LRMDA: variants seen among roughly 807,000 people sequenced by gnomAD.
The protein encoded by LRMDA is leucine-rich melanocyte differentiation-associated protein.
In LRMDA, 18 loss-of-function variants were observed where a neutral mutation model predicts 29.8. The ratio of observed to expected loss-of-function variants is 0.60; its 90% CI spans 0.42 to 0.90. LRMDA has a LOEUF of 0.90. Among genes scored for constraint, LRMDA ranks in the 40% least tolerant of loss-of-function variants. The pLI is 0.00. For missense variants in LRMDA, 273 were observed against 273.9 expected (o/e 1.00, Z 0.02); for synonymous variants, 125 against 109.4 (o/e 1.14, Z -0.89).
intron 2 of LRMDA, among the ~76,000 whole-genome samples, chr10:75,687,372 T>C (rs192215585): frequency 6.6e-6 from 1 of 152,294 alleles, no homozygotes; most frequent in African/African-American, 2.4e-5. Flanking sequence ...ATTGGTGATA[T>C]GAAGAAAGTT....
At chr10:75,895,473 T>C (rs1845565819) in intron 2 of LRMDA, among the ~76,000 whole-genome samples, 1 of 152,216 alleles carries the variant, frequency 6.6e-6, no homozygotes, top group African/African-American at 2.4e-5. Context: ...AGTAACTTGC[T>C]GAAGGTCACA....
intron 2 of LRMDA, chr10:75,451,711 C>T (rs529169278): frequency 6.6e-6 from 1 of 151,916 alleles, no homozygotes; most frequent in Non-Finnish European, 1.5e-5. Flanking sequence ...CATCCCCTAC[C>T]CTGCTTCTAA....
chr10:75,877,772 CT>C (rs1564594383), intron 2 of LRMDA, among the ~76,000 whole-genome samples: 4 of 152,202 alleles, frequency 2.6e-5, no homozygotes, highest in Non-Finnish European at 5.9e-5. Flanking sequence ...AGGGGAGGGG[CT>C]GATGGGACTC....
At chr10:76,456,278 T>C (rs1253781938) in intron 6 of LRMDA, among the ~76,000 whole-genome samples, 1 of 152,192 alleles carries the variant, frequency 6.6e-6, no homozygotes, top group Non-Finnish European at 1.5e-5. Flanking sequence ...TATTCTGTAA[T>C]TGGGCATGAC....
At chr10:76,332,665 G>T (rs1234416920) in intron 6 of LRMDA, among the ~76,000 whole-genome samples, 2 of 152,240 alleles carry the variant, frequency 1.3e-5, no homozygotes, top group African/African-American at 2.4e-5. Flanking sequence ...AGGGTGGAAG[G>T]TTCTAAATGT....
chr10:76,491,133 G>A (rs1015674082), intron 6 of LRMDA, among the ~76,000 whole-genome samples: 3 of 151,606 alleles, frequency 2.0e-5, no homozygotes, highest in Non-Finnish European at 2.9e-5. Context: ...TAATCTCTAT[G>A]TCTTGAAAAG....
intron 6 of LRMDA, among the ~76,000 whole-genome samples, chr10:76,494,242 T>C (rs1842861077): frequency 1.3e-5 from 2 of 151,946 alleles, no homozygotes; most frequent in Non-Finnish European, 2.9e-5. Flanking sequence ...GAAGTGGCCA[T>C]CCTTGTCAAC....
At chr10:76,197,877 G>T (rs1274676983) in intron 5 of LRMDA, among the ~76,000 whole-genome samples, 1 of 151,350 alleles carries the variant, frequency 6.6e-6, no homozygotes, top group African/African-American at 2.4e-5. Context: ...TCGAGATCGC[G>T]CCACCACACT....
chr10:75,916,090 A>G (rs1845926754), intron 2 of LRMDA, among the ~76,000 whole-genome samples: 1 of 152,012 alleles, frequency 6.6e-6, no homozygotes, highest in Non-Finnish European at 1.5e-5. Context: ...GATGATTCTC[A>G]TAGTCCTGCT....
intron 6 of LRMDA, among the ~76,000 whole-genome samples, chr10:76,476,115 G>A (rs920223639): frequency 2.6e-5 from 4 of 152,064 alleles, no homozygotes; most frequent in African/African-American, 9.7e-5. Context: ...CCAGGAGCTG[G>A]TTTTTTGAAA....
intron 6 of LRMDA, among the ~76,000 whole-genome samples, chr10:76,403,585 C>T (rs1841871938): frequency 6.6e-6 from 1 of 151,974 alleles, no homozygotes; most frequent in African/African-American, 2.4e-5. Context: ...GTTATTTTTT[C>T]CTTCATAAAG....
chr10:75,483,371 G>A (rs1844874034), intron 2 of LRMDA, among the ~76,000 whole-genome samples: 1 of 152,192 alleles, frequency 6.6e-6, no homozygotes, highest in Non-Finnish European at 1.5e-5. Context: ...TCTGCTGTTG[G>A]TTTAGGAGTT....
At chr10:76,238,413 C>G (rs994961736) in intron 5 of LRMDA, among the ~76,000 whole-genome samples, 1 of 152,120 alleles carries the variant, frequency 6.6e-6, no homozygotes, top group African/African-American at 2.4e-5. Flanking sequence ...AGTCTGTTGC[C>G]TGTAATACTC....
In LRMDA at chr10:76,558,499, G is replaced by T. The variant is rs1013327329; in HGVS notation, c.*1211G>T. On this transcript the variant is annotated 3_prime_UTR_variant, in exon 7 of 7. Transcript: ENST00000611255. ...GACTCAAAGTTTATCTAACTTGCTG[G>T]TGCACCAGTCAAATCACTCTAGAAG... 2.0e-5 allele frequency: 3 copies of T among 152,178 alleles called. No homozygotes were observed. The highest frequency in any genetic ancestry group is 7.2e-5 in the African/African-American group (3 of 41,424). The allele number at this position is 152,178 out of a possible 1,614,324, so 9.4% of individuals were successfully genotyped here.
chr10:75,483,030 C>T (rs998196739), intron 2 of LRMDA, among the ~76,000 whole-genome samples: 7 of 152,016 alleles, frequency 4.6e-5, no homozygotes, highest in African/African-American at 1.7e-4. Context: ...CTGCAACCAT[C>T]ACCTCCCAGG....
chr10:76,261,219 C>T (rs768919348), intron 5 of LRMDA, among the ~76,000 whole-genome samples: 9 of 151,766 alleles, frequency 5.9e-5, no homozygotes, highest in Non-Finnish European at 7.4e-5. Context: ...CGCCTGCCAC[C>T]ACGCCCGGAT....
intron 6 of LRMDA, among the ~76,000 whole-genome samples, chr10:76,336,757 G>A (rs555686320): frequency 6.6e-6 from 1 of 152,156 alleles, no homozygotes; most frequent in Non-Finnish European, 1.5e-5. Flanking sequence ...CTCCCTTGTG[G>A]ATTAGCTCTT....
intron 3 of LRMDA, among the ~76,000 whole-genome samples, chr10:76,046,740 T>C (rs1012007359): frequency 5.3e-5 from 8 of 152,194 alleles, no homozygotes; most frequent in African/African-American, 1.9e-4. Context: ...TACCAGGGCC[T>C]CCCAACGTAC....
At chr10:75,878,191 CAG>C (rs1047518435) in intron 2 of LRMDA, among the ~76,000 whole-genome samples, 1 of 152,102 alleles carries the variant, frequency 6.6e-6, no homozygotes, top group Non-Finnish European at 1.5e-5. Flanking sequence ...ATCCCAAGGA[CAG>C]AGGGCTTTTT....
Sources: gnomAD v4.1 joint callset for allele counts (sites outside exome capture counted in the v4.1 genomes callset) on GRCh38, gnomAD v4.1.1 for gene constraint, MANE v1.5 for transcripts, NCBI Gene and HGNC (gene_info 2026-07-23, HGNC 2026-07-21) for gene names.